The following ZFP64 variants were observed in gnomAD, a reference collection of about 807,000 sequenced individuals.
ZFP64 encodes ZFP64 zinc finger protein, also known as zinc finger protein 64.
Under a neutral mutation model 51.6 loss-of-function variants are expected in ZFP64, and 14 were observed. The observed-to-expected ratio is 0.27, with a 90% CI of 0.18 to 0.42. The LOEUF (loss-of-function observed/expected upper bound fraction) is 0.42. Among genes scored for constraint, ZFP64 ranks in the 10% least tolerant of loss-of-function variants. ZFP64 has a pLI of 1.00. For missense variants in ZFP64, 754 were observed against 906.8 expected (o/e 0.83, Z 2.16); for synonymous variants, 375 against 361.4 (o/e 1.04, Z -0.43).
intron 2 of ZFP64, among the ~76,000 whole-genome samples, chr20:52,170,509 C>T (rs1160717805): frequency 2.0e-5 from 3 of 152,154 alleles, no homozygotes; most frequent in Middle Eastern, 3.2e-3. Flanking sequence ...GTGCAGGGAT[C>T]ATTTTGGGGC....
chr20:52,115,987 A>G (rs1018719825), intron 5 of ZFP64, among the ~76,000 whole-genome samples: 1 of 151,858 alleles, frequency 6.6e-6, no homozygotes, highest in Non-Finnish European at 1.5e-5. Flanking sequence ...GGCATGCGCC[A>G]CCATGCCTGG....
chr20:52,165,383 C>G (rs753079940), intron 3 of ZFP64: 1 of 454,502 alleles, frequency 2.2e-6, no homozygotes, highest in African/African-American at 2.0e-5. Flanking sequence ...TTGGGGAAAA[C>G]TATACTTGTA....
At chr20:52,087,522 C>T (rs2078877146) in intron 8 of ZFP64, among the ~76,000 whole-genome samples, 1 of 152,258 alleles carries the variant, frequency 6.6e-6, no homozygotes, top group South Asian at 2.1e-4. Flanking sequence ...AGTACTCTTA[C>T]TTCCAGGATT....
chr20:52,128,949 T>C (rs1444300466), intron 5 of ZFP64, among the ~76,000 whole-genome samples: 1 of 152,214 alleles, frequency 6.6e-6, no homozygotes, highest in African/African-American at 2.4e-5. Context: ...AGTCTCATTC[T>C]GTCACCCAGG....
In ZFP64 at chr20:52,139,778, C is replaced by T. The variant is rs560868602; in HGVS notation, c.763+20345G>A. 4.0e-5 allele frequency among the ~76,000 whole-genome samples: 6 copies of T among 151,656 alleles called. 1 individual carries two copies. The South Asian group carries it at 1.3e-3, about 32-fold the overall frequency. On this transcript the variant is annotated intron_variant, in intron 5 of 8. Coordinates refer to the ZFP64 transcript ENST00000361387. ...GAAACCAAAAGCCAAAATATAGTTT[C>T]ACAAATTGTAATACAGGCACACCTT...
intron 5 of ZFP64, among the ~76,000 whole-genome samples, chr20:52,123,643 G>C (rs1979302407): frequency 6.6e-6 from 1 of 152,150 alleles, no homozygotes; most frequent in East Asian, 1.9e-4. Context: ...ACACTTAATA[G>C]ACTCCAGTAT....
At chr20:52,157,869 T>A (rs985731146) in intron 5 of ZFP64, among the ~76,000 whole-genome samples, 2 of 152,208 alleles carry the variant, frequency 1.3e-5, no homozygotes, top group Non-Finnish European at 2.9e-5. Flanking sequence ...CCTCCCTGTG[T>A]CCACATGTTC....
Position 52,165,965 on chromosome 20 carries a change from T to C in ZFP64, c.347A>G (p.Asn116Ser), listed in dbSNP as rs1982232790. The C allele has an allele frequency of 6.2e-7, 1 of 1,614,152 alleles. No homozygotes were observed. The highest frequency in any genetic ancestry group is 8.5e-7 in the Non-Finnish European group (1 of 1,180,014). ...GYQTYLPTES[N>S]ENQTATVISL... is the part of the protein sequence containing the mutation. ...GATGACAGTGGCTGTCTGGTTTTCA[T>C]TACTTTCCGTGGGCAGGTAAGTTTG... is the stretch of plus-strand genomic sequence containing the variant. Residue 116 changes from asparagine to serine, a missense_variant, in exon 3 of 6, where the codon AAT becomes AGT. Physicochemically the swap from Asn to Ser is conservative, Grantham distance 46. Coordinates refer to ENST00000216923, the MANE Select transcript of ZFP64 (RefSeq NM_018197.3).
intron 5 of ZFP64, among the ~76,000 whole-genome samples, chr20:52,106,933 C>T (rs1342089196): frequency 6.6e-6 from 1 of 152,114 alleles, no homozygotes; most frequent in Non-Finnish European, 1.5e-5. Flanking sequence ...CTTGTCTCTA[C>T]TAAAAATACA....
At chr20:52,132,736 C>T (rs547610680) in intron 5 of ZFP64, among the ~76,000 whole-genome samples, 17 of 152,068 alleles carry the variant, frequency 1.1e-4, no homozygotes, top group Admixed American at 9.2e-4. Flanking sequence ...AGTAAAGAAA[C>T]GCCTGGGACT....
At chr20:52,125,109 A>G (rs983404995) in intron 5 of ZFP64, among the ~76,000 whole-genome samples, 1 of 152,212 alleles carries the variant, frequency 6.6e-6, no homozygotes, top group African/African-American at 2.4e-5. Flanking sequence ...GCTCACAGCA[A>G]TGAATTCTAC....
chr20:52,096,418 T>C (rs1014641633), intron 7 of ZFP64, among the ~76,000 whole-genome samples: 2 of 152,236 alleles, frequency 1.3e-5, no homozygotes, highest in Middle Eastern at 3.2e-3. Flanking sequence ...GCAGAGCCAT[T>C]GGACCAGCTG....
intron 4 of ZFP64, among the ~76,000 whole-genome samples, chr20:52,163,902 C>T (rs910339650): frequency 4.6e-5 from 7 of 151,994 alleles, no homozygotes; most frequent in African/African-American, 1.7e-4. Context: ...TTTCTTTTCC[C>T]ATGCATTGAT....
intron 1 of ZFP64, among the ~76,000 whole-genome samples, chr20:52,187,438 A>G (rs925601452): frequency 6.6e-6 from 1 of 151,950 alleles, no homozygotes; most frequent in Non-Finnish European, 1.5e-5. Context: ...CCTGGCCAAC[A>G]TGGTGAAATC....
intron 1 of ZFP64, 41 bp from the exon 2 acceptor site, chr20:52,187,112 A>G (rs1984029145): frequency 6.3e-7 from 1 of 1,575,430 alleles, no homozygotes. Context: ...AATTCCAAAC[A>G]GCTTTGAATT....
chr20:52,157,240 A>T (rs989718830), intron 5 of ZFP64, among the ~76,000 whole-genome samples: 1 of 152,224 alleles, frequency 6.6e-6, no homozygotes, highest in East Asian at 1.9e-4. Flanking sequence ...TAAAACCCAC[A>T]GAAGGTTAAA....
At chr20:52,144,759 C>G (rs557326187) in intron 5 of ZFP64, among the ~76,000 whole-genome samples, 135 of 151,478 alleles carry the variant, frequency 8.9e-4, no homozygotes, top group Non-Finnish European at 5.0e-4. Context: ...AACCCCAAAA[C>G]CAGTAGTAAC....
Position 52,160,472 on chromosome 20 carries a change from A to C in ZFP64, c.512-98T>G. ...CTTACGAAAAAAGTCATATACAACC[A>C]CCGAAGAATATTCCAAAAACCCTAA... is the stretch of plus-strand genomic sequence containing the variant. On this transcript the variant is annotated intron_variant, in intron 4 of 5. Coordinates refer to ENST00000216923, the MANE Select transcript of ZFP64 (RefSeq NM_018197.3). The surrounding 1 kb of genome is among the most constrained non-coding windows in gnomAD (Gnocchi z 4.2). 6.8e-7 allele frequency: 1 copy of C among 1,468,216 alleles called. No individual in the cohort carries two copies. Among genetic ancestry groups the C allele is most frequent in the Non-Finnish European group, 9.1e-7 (1 of 1,104,954 alleles). The allele number at this position is 1,468,216 out of a possible 1,614,324, so 90.9% of individuals were successfully genotyped here.
intron 1 of ZFP64, among the ~76,000 whole-genome samples, chr20:52,190,569 T>C (rs1018557395): frequency 6.6e-6 from 1 of 152,146 alleles, no homozygotes; most frequent in African/African-American, 2.4e-5. Flanking sequence ...CCCCAGCATG[T>C]TACCTGCTGG....
Sources: allele counts gnomAD v4.1 joint callset (sites outside exome capture counted in the v4.1 genomes callset), GRCh38; gene constraint gnomAD v4.1.1; non-coding constraint Gnocchi (gnomAD v3.1); transcripts MANE v1.5; gene names NCBI Gene and HGNC (gene_info 2026-07-23, HGNC 2026-07-21).